TULP4: variants seen among roughly 807,000 people sequenced by gnomAD.
The protein encoded by TULP4 is tubby-related protein 4.
Under a neutral mutation model 129.0 loss-of-function variants are expected in TULP4, and 16 were observed. The observed-to-expected ratio is 0.12, with a 90% CI of 0.08 to 0.19. The LOEUF (loss-of-function observed/expected upper bound fraction) is 0.19. Among genes scored for constraint, TULP4 ranks in the 10% least tolerant of loss-of-function variants. TULP4 has a pLI of 1.00. For missense variants in TULP4, 1,842 were observed against 2,059.1 expected (o/e 0.89, Z 2.04); for synonymous variants, 998 against 854.0 (o/e 1.17, Z -2.94).
At chr6:158,491,445 T>TGAGGAGTCTCGCTCTGTTGCC (rs1562589189) in intron 9 of TULP4, among the ~76,000 whole-genome samples, 1 of 58,366 alleles carries the variant, frequency 1.7e-5, no homozygotes. Context: ...TTCTTTCTTT[T>TGAGGAGTCTCGCTCTGTTGCC]CTTTCTTTCT....
intron 3 of TULP4, among the ~76,000 whole-genome samples, chr6:158,446,828 C>T (rs1003714156): frequency 2.6e-5 from 4 of 152,134 alleles, no homozygotes; most frequent in Non-Finnish European, 5.9e-5. Flanking sequence ...TTGGGTGTAG[C>T]GAGAGTGCTT....
upstream of TULP4, among the ~76,000 whole-genome samples, chr6:158,280,151 T>C (rs1778724011): frequency 6.6e-6 from 1 of 152,216 alleles, no homozygotes; most frequent in Non-Finnish European, 1.5e-5. Context: ...TCAGTATGAA[T>C]TTTAATTAGA....
intron 1 of TULP4, among the ~76,000 whole-genome samples, chr6:158,248,643 A>T (rs1342647487): frequency 6.6e-6 from 1 of 151,496 alleles, no homozygotes; most frequent in Non-Finnish European, 1.5e-5. Context: ...CGGAGGCCTG[A>T]GGTGGGATGA....
chr6:158,255,999 C>T (rs1351708229), intron 1 of TULP4, among the ~76,000 whole-genome samples: 1 of 148,000 alleles, frequency 6.8e-6, no homozygotes, highest in Non-Finnish European at 1.5e-5. Context: ...GTCTTTATCG[C>T]AAGAGCAGAG....
intron 1 of TULP4, among the ~76,000 whole-genome samples, chr6:158,359,133 T>TTTCTATGCCAGCCACCCTCCCCTC (rs1391424149): frequency 6.6e-6 from 1 of 152,192 alleles, no homozygotes; most frequent in African/African-American, 2.4e-5. Context: ...TTTATGTGAC[T>TTTCTATGCCAGCCACCCTCCCCTC]TTCTATGCCA....
intron 9 of TULP4, among the ~76,000 whole-genome samples, chr6:158,491,877 G>A (rs949270843): frequency 3.6e-5 from 5 of 138,890 alleles, no homozygotes; most frequent in Non-Finnish European, 7.9e-5. Context: ...TTGTTTTTTC[G>A]AGCTGGAGTC....
chr6:158,386,773 C>T (rs1481414363), intron 1 of TULP4, among the ~76,000 whole-genome samples: 1 of 77,036 alleles, frequency 1.3e-5, no homozygotes, highest in Non-Finnish European at 3.0e-5. Flanking sequence ...TACTAAACCT[C>T]TCTGTTTTCT....
intron 6 of TULP4, among the ~76,000 whole-genome samples, chr6:158,462,107 AAAAC>A (rs1779443224): frequency 6.6e-6 from 1 of 152,220 alleles, no homozygotes; most frequent in Non-Finnish European, 1.5e-5. Flanking sequence ...TAACAAGAGA[AAAAC>A]AAACAGAAGT....
At chr6:158,439,316 C>T (rs1415697729) in intron 3 of TULP4, among the ~76,000 whole-genome samples, 1 of 152,150 alleles carries the variant, frequency 6.6e-6, no homozygotes, top group Non-Finnish European at 1.5e-5. Context: ...TTTCTATTTG[C>T]CCTAAGAAAA....
intron 1 of TULP4, among the ~76,000 whole-genome samples, chr6:158,297,387 A>C (rs1779053274): frequency 2.6e-5 from 4 of 152,148 alleles, no homozygotes; most frequent in Admixed American, 2.6e-4. Context: ...GTTCAAACAC[A>C]CATGTTTTAC....
chr6:158,484,635 A>T (rs1444594683), intron 8 of TULP4, among the ~76,000 whole-genome samples: 1 of 152,164 alleles, frequency 6.6e-6, no homozygotes, highest in Admixed American at 6.5e-5. Flanking sequence ...GAAAAGAAGG[A>T]GAAAGAGATC....
intron 5 of TULP4, 112 bp downstream of exon 5, chr6:158,452,380 C>T: frequency 7.2e-7 from 1 of 1,393,460 alleles, no homozygotes; most frequent in Non-Finnish European, 9.6e-7. Context: ...GTGGTGACAC[C>T]TTCTGGGCTT....
intron 4 of TULP4, among the ~76,000 whole-genome samples, chr6:158,450,193 G>T (rs1201306520): frequency 6.6e-6 from 1 of 152,124 alleles, no homozygotes; most frequent in Non-Finnish European, 1.5e-5. Flanking sequence ...TCACACTGCC[G>T]CAGGCTTCTA....
chr6:158,393,814 T>C (rs1450765368), intron 1 of TULP4, among the ~76,000 whole-genome samples: 5 of 152,228 alleles, frequency 3.3e-5, no homozygotes, highest in African/African-American at 4.8e-5. Context: ...AGGGAAAATA[T>C]CTGAAATGAC....
intron 1 of TULP4, among the ~76,000 whole-genome samples, chr6:158,243,328 C>T (rs776323090): frequency 2.0e-5 from 3 of 151,946 alleles, no homozygotes; most frequent in Non-Finnish European, 4.4e-5. Flanking sequence ...ATTATCTTAC[C>T]TTAAAAATTT....
intron 6 of TULP4, among the ~76,000 whole-genome samples, chr6:158,470,486 T>A (rs1041532569): frequency 6.6e-6 from 1 of 152,262 alleles, no homozygotes; most frequent in African/African-American, 2.4e-5. Context: ...CTTTACCTCC[T>A]GTTTTTGCCT....
intron 1 of TULP4, among the ~76,000 whole-genome samples, chr6:158,395,761 G>T (rs1777701038): frequency 6.6e-6 from 1 of 151,554 alleles, no homozygotes; most frequent in African/African-American, 2.4e-5. Context: ...GAAACAACGA[G>T]TGTCTACCAC....
At chr6:158,426,828 G>A (rs1469558515) in intron 2 of TULP4, among the ~76,000 whole-genome samples, 1 of 152,158 alleles carries the variant, frequency 6.6e-6, no homozygotes, top group Non-Finnish European at 1.5e-5. Context: ...CCCTTTTAGT[G>A]ATATTGATTC....
At chr6:158,397,549 G>A (rs914575300) in intron 1 of TULP4, among the ~76,000 whole-genome samples, 2 of 151,768 alleles carry the variant, frequency 1.3e-5, no homozygotes, top group Admixed American at 1.3e-4. Flanking sequence ...ATCAGCTATT[G>A]TTAGGTGTTT....
Sources: gnomAD v4.1 joint callset for allele counts (sites outside exome capture counted in the v4.1 genomes callset) on GRCh38, gnomAD v4.1.1 for gene constraint, MANE v1.5 for transcripts, NCBI Gene and HGNC (gene_info 2026-07-23, HGNC 2026-07-21) for gene names.